The following ME3 variants were observed in gnomAD, a reference collection of about 807,000 sequenced individuals.
ME3 encodes the protein malic enzyme 3, also known as NADP-dependent malic enzyme, mitochondrial.
Under a neutral mutation model 68.9 loss-of-function variants are expected in ME3, and 48 were observed. That is an observed-to-expected ratio of 0.70 (90% confidence interval 0.55 to 0.89). ME3 has a LOEUF of 0.89. Ranked by LOEUF, ME3 falls within the 40% of genes least tolerant of loss-of-function variation. The pLI is 0.00. For synonymous variants in ME3, 320 were observed against 318.8 expected, an observed-to-expected ratio of 1.00 and a Z score of -0.04; for missense variants, 675 against 797.4, an observed-to-expected ratio of 0.85 and a Z score of 1.85.
chr11:86,598,170 G>C (rs540988005), intron 2 of ME3, among the ~76,000 whole-genome samples: 2 of 152,192 alleles, frequency 1.3e-5, no homozygotes, highest in Non-Finnish European at 2.9e-5. Flanking sequence ...GAAGTGCAAG[G>C]GGTCAGGGAG....
At chr11:86,612,374 T>C (rs144916912) in intron 2 of ME3, among the ~76,000 whole-genome samples, 5,323 of 152,300 alleles carry the variant, frequency 0.035, 127 homozygotes, top group Non-Finnish European at 0.055. Context: ...AATAAACATA[T>C]GTGTGCATGT....
chr11:86,627,340 A>G (rs1943726142), intron 2 of ME3, among the ~76,000 whole-genome samples: 1 of 152,126 alleles, frequency 6.6e-6, no homozygotes, highest in South Asian at 2.1e-4. Flanking sequence ...TCTCATTTTT[A>G]TCTCCTTTCT....
chr11:86,562,904 T>A (rs1957306903), intron 2 of ME3, among the ~76,000 whole-genome samples: 1 of 152,120 alleles, frequency 6.6e-6, no homozygotes, highest in Non-Finnish European at 1.5e-5. Context: ...CTCCCACTTA[T>A]AAGCGATAAC....
chr11:86,635,699 T>A (rs1944291914), intron 2 of ME3, among the ~76,000 whole-genome samples: 1 of 152,238 alleles, frequency 6.6e-6, no homozygotes, highest in South Asian at 2.1e-4. Flanking sequence ...CAGAACCATG[T>A]TCTTGGACTT....
intron 2 of ME3, among the ~76,000 whole-genome samples, chr11:86,595,069 G>A (rs1959200201): frequency 6.9e-6 from 1 of 144,896 alleles, no homozygotes; most frequent in Non-Finnish European, 1.5e-5. Context: ...ATAGAAGGGA[G>A]TTTTGCTCTT....
chr11:86,659,602 T>C (rs1232941707), intron 2 of ME3, among the ~76,000 whole-genome samples: 1 of 152,238 alleles, frequency 6.6e-6, no homozygotes, highest in African/African-American at 2.4e-5. Flanking sequence ...TGTATGCAAG[T>C]ATTTATTAAC....
At chr11:86,641,256 C>T (rs145923826) in intron 2 of ME3, among the ~76,000 whole-genome samples, 60 of 152,232 alleles carry the variant, frequency 3.9e-4, no homozygotes, top group African/African-American at 1.3e-3. Context: ...ATTAACATAA[C>T]TCAAGACAGA....
intron 4 of ME3, among the ~76,000 whole-genome samples, chr11:86,550,941 A>G (rs1956640437): frequency 6.6e-6 from 1 of 151,830 alleles, no homozygotes; most frequent in Non-Finnish European, 1.5e-5. Context: ...GAGGTGTGTA[A>G]TTCATGTCCC....
At chr11:86,637,308 TA>T (rs1209812596) in intron 2 of ME3, among the ~76,000 whole-genome samples, 1 of 137,124 alleles carries the variant, frequency 7.3e-6, no homozygotes, top group East Asian at 2.1e-4. Context: ...CCTATTATAG[TA>T]CTGAAGGTAA....
At chr11:86,549,427 A>G (rs1443000866) in intron 4 of ME3, among the ~76,000 whole-genome samples, 1 of 152,158 alleles carries the variant, frequency 6.6e-6, no homozygotes, top group Non-Finnish European at 1.5e-5. Context: ...GCCTACCACA[A>G]CCTGACTCTA....
chr11:86,570,370 T>G (rs1283922916), intron 2 of ME3, among the ~76,000 whole-genome samples: 1 of 152,176 alleles, frequency 6.6e-6, no homozygotes, highest in Non-Finnish European at 1.5e-5. Context: ...TCCTTGTGCA[T>G]ATTCCTTCTT....
At chr11:86,459,224 C>A (rs537546276) in intron 8 of ME3, among the ~76,000 whole-genome samples, 1 of 152,284 alleles carries the variant, frequency 6.6e-6, no homozygotes, top group Non-Finnish European at 1.5e-5. Flanking sequence ...GTGACTAATA[C>A]AATGGGCTGG....
intron 2 of ME3, among the ~76,000 whole-genome samples, chr11:86,647,944 A>G (rs1190330228): frequency 6.6e-6 from 1 of 152,248 alleles, no homozygotes; most frequent in African/African-American, 2.4e-5. Flanking sequence ...CCCCAAATCA[A>G]CAGAATATAC....
At chr11:86,597,708 G>A (rs1006206852) in intron 2 of ME3, among the ~76,000 whole-genome samples, 9 of 152,084 alleles carry the variant, frequency 5.9e-5, no homozygotes, top group Non-Finnish European at 1.3e-4. Flanking sequence ...GATTTATTTC[G>A]AGCCAAATAT....
Position 86,465,516 on chromosome 11 carries a change from G to A in ME3, c.810-316C>T, listed in dbSNP as rs571895973. 6.6e-5 allele frequency among the ~76,000 whole-genome samples: 10 copies of A among 152,218 alleles called. No homozygotes were observed. The South Asian group carries it at 2.1e-3, about 32-fold the overall frequency. On this transcript the variant is annotated intron_variant, in intron 7 of 14. Transcript: ENST00000543262. ...GGCCAGCCCTGGGAGTGACAAGAGG[G>A]CCAAGGAGGGGCCTGCCCTCTGTGT... is the stretch of plus-strand genomic sequence containing the variant.
rs151148001 is a variant in ME3 at position 86,630,391 on chromosome 11, G to A, written c.183+41371C>T. ...CTGAGCTGGACACCTGAGTGGGTTTGGTCTCCAGAGCCTCTCCTGTATCCT... is the reference window on the plus strand; with the variant it reads ...CTGAGCTGGACACCTGAGTGGGTTTAGTCTCCAGAGCCTCTCCTGTATCCT... On this transcript the variant is annotated intron_variant, in intron 2 of 14. Coordinates refer to ENST00000543262, the Ensembl canonical transcript of ME3. 2.6e-3 allele frequency among the ~76,000 whole-genome samples: 396 copies of A among 152,244 alleles called. 1 individual carries two copies. The highest frequency in any genetic ancestry group is 4.5e-3 in the Non-Finnish European group (305 of 68,012).
chr11:86,468,123 C>T (rs1390211299), intron 7 of ME3, among the ~76,000 whole-genome samples: 1 of 152,182 alleles, frequency 6.6e-6, no homozygotes, highest in Non-Finnish European at 1.5e-5. Flanking sequence ...CCTTCTATGT[C>T]TCTTCACTTC....
intron 8 of ME3, chr11:86,464,204 C>A: frequency 2.7e-6 from 1 of 368,502 alleles, no homozygotes; most frequent in Non-Finnish European, 5.3e-6. Context: ...TTCTTTCCAC[C>A]TGACATGGAT....
chr11:86,602,491 G>T (rs1960867373), intron 2 of ME3, among the ~76,000 whole-genome samples: 1 of 152,068 alleles, frequency 6.6e-6, no homozygotes, highest in South Asian at 2.1e-4. Context: ...TATGCTCATG[G>T]GTAGGAAGAA....
Sources: gnomAD v4.1 joint callset for allele counts (sites outside exome capture counted in the v4.1 genomes callset) on GRCh38, gnomAD v4.1.1 for gene constraint, MANE v1.5 for transcripts, NCBI Gene and HGNC (gene_info 2026-07-23, HGNC 2026-07-21) for gene names.